The following NHSL1 variants were observed in gnomAD, a reference collection of about 807,000 sequenced individuals.
The protein encoded by NHSL1 is NHS-like protein 1.
In NHSL1, 48 loss-of-function variants were observed where a neutral mutation model predicts 95.0. That is an observed-to-expected ratio of 0.51 (90% CI 0.40 to 0.64). The LOEUF is 0.64. Among genes scored for constraint, NHSL1 ranks in the 30% least tolerant of loss-of-function variants. NHSL1 has a pLI of 0.00. For synonymous variants in NHSL1, 783 were observed against 833.9 expected, an observed-to-expected ratio of 0.94 and a Z score of 1.05; for missense variants, 1,971 against 2,077.7, an observed-to-expected ratio of 0.95 and a Z score of 1.00.
chr6:138,643,870 T>C (rs759451113), intron 1 of NHSL1, among the ~76,000 whole-genome samples: 1 of 151,754 alleles, frequency 6.6e-6, no homozygotes, highest in Non-Finnish European at 1.5e-5. Flanking sequence ...TGGTGACGGG[T>C]GCCTGTAATC....
chr6:138,667,081 G>C (rs1785304902), intron 1 of NHSL1, among the ~76,000 whole-genome samples: 2 of 152,102 alleles, frequency 1.3e-5, no homozygotes, highest in African/African-American at 2.4e-5. Flanking sequence ...ATGTCCAATT[G>C]CATCTTTCCA....
chr6:138,571,509 A>G, intron 1 of NHSL1: 2 of 591,154 alleles, frequency 3.4e-6, no homozygotes, highest in Admixed American at 3.0e-5. Context: ...TCTTTGAATG[A>G]TACAAGATAC....
intron 1 of NHSL1, among the ~76,000 whole-genome samples, chr6:138,497,132 C>T (rs1780401248): frequency 6.6e-6 from 1 of 152,122 alleles, no homozygotes; most frequent in Non-Finnish European, 1.5e-5. Context: ...TAAGATAAAT[C>T]TCTACAATAA....
intron 1 of NHSL1, among the ~76,000 whole-genome samples, chr6:138,627,317 T>G (rs1784753579): frequency 6.6e-6 from 1 of 152,258 alleles, no homozygotes; most frequent in Non-Finnish European, 1.5e-5. Flanking sequence ...CAAAAAGTTT[T>G]TTTATATGTA....
chr6:138,486,071 C>T (rs918481803), intron 2 of NHSL1, among the ~76,000 whole-genome samples: 1 of 152,182 alleles, frequency 6.6e-6, no homozygotes, highest in South Asian at 2.1e-4. Flanking sequence ...CTCCGACCCT[C>T]CGCTTTGCCC....
chr6:138,577,110 T>C (rs773170240), upstream of NHSL1, among the ~76,000 whole-genome samples: 16 of 152,312 alleles, frequency 1.1e-4, no homozygotes, highest in Admixed American at 2.0e-4. Flanking sequence ...GGAAGGTTCT[T>C]GCCATAAGAC....
In NHSL1 at chr6:138,432,126, C is replaced by T. The variant is rs777907703; in HGVS notation, c.2219G>A (p.Ser740Asn). 6.5e-7 allele frequency: 1 copy of T among 1,550,182 alleles called. No homozygotes were observed. Among genetic ancestry groups the T allele is most frequent in the Non-Finnish European group, 8.7e-7 (1 of 1,146,046 alleles). ...EPWLPRSRSQSTVSAGSSMTS... is the reference protein window; with the variant it reads ...EPWLPRSRSQNTVSAGSSMTS... ...CATGCTGCTGCCAGCACTAACTGTG[C>T]TCTGGCTCCGGGAGCGGGGCAGCCA... The change falls in exon 6 of 8, where the codon AGC (serine) becomes AAC (asparagine). Residue 740 changes from serine (S) to asparagine (N), a missense_variant. By Grantham distance (46) the Ser-to-Asn change is conservative (BLOSUM62 1). Coordinates refer to ENST00000343505, the MANE Select transcript of NHSL1 (RefSeq NM_001144060.2). The surrounding 1 kb of genome is among the most constrained non-coding windows in gnomAD (Gnocchi z 4.4).
chr6:138,449,473 G>A (rs1006894224), intron 3 of NHSL1, among the ~76,000 whole-genome samples: 6 of 152,062 alleles, frequency 3.9e-5, no homozygotes, highest in East Asian at 1.9e-4. Context: ...TCAGGACATC[G>A]AGACCATCCT....
At chr6:138,581,897 CTTT>C (rs370719757) in intron 1 of NHSL1, among the ~76,000 whole-genome samples, 113 of 124,298 alleles carry the variant, frequency 9.1e-4, no homozygotes, top group African/African-American at 3.1e-3. Context: ...CTTTTTCTTT[CTTT>C]TTTTTTTTTT....
In NHSL1 at chr6:138,544,983, C is replaced by CTTTT. The variant is rs35979187; in HGVS notation, c.16+636_16+639dup. Among the ~76,000 whole-genome samples, 433 of 83,372 alleles carry CTTTT rather than the reference C, an allele frequency of 5.2e-3. 1 individual carries two copies. The highest frequency in any genetic ancestry group is 7.7e-3 in the East Asian group (19 of 2,452). The allele number at this position is 83,372 out of a possible 152,430, so 54.7% of individuals were successfully genotyped here. ...GAACAAGAAGTATGTTCTTTCTTTT[C>CTTTT]TTTTTTTTTTTTTTTTTTTTTTTTG... On this transcript the variant is annotated intron_variant, in intron 1 of 4. Transcript: ENST00000342260.
intron 3 of NHSL1, among the ~76,000 whole-genome samples, chr6:138,449,030 C>T (rs954020401): frequency 8.7e-6 from 1 of 114,332 alleles, no homozygotes; most frequent in African/African-American, 3.4e-5. Context: ...CCAGCCTGGG[C>T]AACAAGAGCA....
rs1775121381 is a variant in NHSL1 at position 138,424,436 on chromosome 6, C to A, written c.4466G>T (p.Ser1489Ile). 6.4e-7 allele frequency: 1 copy of A among 1,550,730 alleles called. No homozygotes were observed. Among genetic ancestry groups the A allele is most frequent in the African/African-American group, 1.4e-5 (1 of 73,022 alleles). Residue 1489 changes from serine to isoleucine, a missense_variant, in exon 8 of 8, where the codon AGT becomes ATT. Around this residue, in one of 3 missense-constraint regions of NHSL1, gnomAD observed 223 missense variants for 217.0 expected, o/e 1.03. Coordinates refer to ENST00000343505, the MANE Select transcript of NHSL1 (RefSeq NM_001144060.2). The surrounding 1 kb of genome is among the most constrained non-coding windows in gnomAD (Gnocchi z 5.9). ...GTACCTGGGGCCGGAAAAGGACAGA[C>A]TCCGAGGCATCAAGCCTTCGTTCTT... ...WAKNEGLMPRSLSFSGPRYGR... is the reference protein window; with the variant it reads ...WAKNEGLMPRILSFSGPRYGR...
intron 1 of NHSL1, among the ~76,000 whole-genome samples, chr6:138,540,957 G>A (rs1427631200): frequency 1.3e-5 from 2 of 152,132 alleles, no homozygotes; most frequent in Non-Finnish European, 2.9e-5. Flanking sequence ...GAGAGAATGC[G>A]AAACCAGGTA....
chr6:138,566,582 T>C (rs1783626043), intron 1 of NHSL1, among the ~76,000 whole-genome samples: 1 of 149,106 alleles, frequency 6.7e-6, no homozygotes, highest in Non-Finnish European at 1.5e-5. Context: ...ATACTTTTCA[T>C]AATTTAAAAA....
At chr6:138,620,477 A>G (rs943427169) in intron 1 of NHSL1, among the ~76,000 whole-genome samples, 8 of 152,228 alleles carry the variant, frequency 5.3e-5, no homozygotes, top group Non-Finnish European at 8.8e-5. Context: ...TATTACTACA[A>G]TGATGAAATA....
At chr6:138,675,524 A>ATTATTTAT (rs573613191) in intron 1 of NHSL1, among the ~76,000 whole-genome samples, 2 of 151,854 alleles carry the variant, frequency 1.3e-5, no homozygotes, top group African/African-American at 4.8e-5. Flanking sequence ...AAATTCTTAC[A>ATTATTTAT]TTATTTATTT....
At chr6:138,659,774 T>C (rs541488070) in intron 1 of NHSL1, among the ~76,000 whole-genome samples, 14 of 150,416 alleles carry the variant, frequency 9.3e-5, no homozygotes, top group African/African-American at 2.5e-4. Flanking sequence ...TGGAGTACAG[T>C]AGAGCGATCT....
intron 1 of NHSL1, among the ~76,000 whole-genome samples, chr6:138,617,517 T>G (rs893237215): frequency 6.6e-6 from 1 of 152,190 alleles, no homozygotes. Context: ...ATTAATCTAT[T>G]CCTCCCTCTG....
At chr6:138,668,954 T>G (rs1022556695) in intron 1 of NHSL1, among the ~76,000 whole-genome samples, 5 of 152,160 alleles carry the variant, frequency 3.3e-5, no homozygotes, top group African/African-American at 7.2e-5. Flanking sequence ...ACTGGTTGGA[T>G]ACACGATGGA....
Sources: gnomAD v4.1 joint callset for allele counts (sites outside exome capture counted in the v4.1 genomes callset) on GRCh38, gnomAD v4.1.1 for gene constraint, gnomAD v4.1.1 regional missense constraint, Gnocchi (gnomAD v3.1) non-coding constraint, MANE v1.5 for transcripts, NCBI Gene and HGNC (gene_info 2026-07-23, HGNC 2026-07-21) for gene names.